TNKS: variants seen among roughly 807,000 people sequenced by gnomAD.
TNKS encodes tankyrase, also known as poly [ADP-ribose] polymerase tankyrase-1.
A neutral mutation model predicts 135.8 loss-of-function variants in TNKS; 72 were observed. That is an observed-to-expected ratio of 0.53 (90% confidence interval 0.44 to 0.64). The LOEUF is 0.64. TNKS is among the 30% of genes least tolerant of loss of function. The pLI is 0.00. For synonymous variants in TNKS, 849 were observed against 649.3 expected, an observed-to-expected ratio of 1.31 and a Z score of -4.68; for missense variants, 1,769 against 1,674.0, an observed-to-expected ratio of 1.06 and a Z score of -0.99.
At position 9,722,782 on chromosome 8, in the gene TNKS, T is replaced by A. The variant is rs111770889; in HGVS notation, c.1921+2237T>A. 6.9e-3 allele frequency among the ~76,000 whole-genome samples: 1,048 copies of A among 152,266 alleles called. 13 individuals carry two copies. Among genetic ancestry groups the A allele is most frequent in the African/African-American group, 0.023 (974 of 41,566 alleles). On this transcript the variant is annotated intron_variant, in intron 12 of 26. Coordinates refer to ENST00000310430, the MANE Select transcript of TNKS (RefSeq NM_003747.3). ...AGTTTCTGTATGTTTTAACCATAAG[T>A]CAGGCAAACACATAGCTTTGCCTCA...
At chr8:9,672,711 CAA>C (rs6150458) in intron 3 of TNKS, among the ~76,000 whole-genome samples, 124 of 85,222 alleles carry the variant, frequency 1.5e-3, no homozygotes, top group South Asian at 0.01. Context: ...CACACACACA[CAA>C]AAAAAAAAAA....
chr8:9,678,469 C>T (rs1276963957), intron 3 of TNKS, among the ~76,000 whole-genome samples: 2 of 152,144 alleles, frequency 1.3e-5, no homozygotes, highest in Non-Finnish European at 2.9e-5. Flanking sequence ...ACTCTATGAC[C>T]ATGAAATCAT....
intron 3 of TNKS, among the ~76,000 whole-genome samples, chr8:9,660,888 G>T (rs1044932816): frequency 7.9e-5 from 12 of 151,968 alleles, no homozygotes; most frequent in African/African-American, 2.9e-4. Flanking sequence ...CTTCAGCAAA[G>T]TCTCAGGATA....
intron 13 of TNKS, among the ~76,000 whole-genome samples, chr8:9,729,331 T>A (rs985167780): frequency 1.3e-5 from 2 of 152,130 alleles, no homozygotes; most frequent in African/African-American, 4.8e-5. Flanking sequence ...CAGTAGAAAT[T>A]TTTCAGGTTC....
chr8:9,582,403 C>T (rs1798199715), intron 2 of TNKS, among the ~76,000 whole-genome samples: 1 of 151,862 alleles, frequency 6.6e-6, no homozygotes, highest in African/African-American at 2.4e-5. Context: ...AGGTTTTTGC[C>T]TAGATGATGA....
chr8:9,721,835 C>T (rs532635773), intron 12 of TNKS, among the ~76,000 whole-genome samples: 18 of 151,910 alleles, frequency 1.2e-4, no homozygotes, highest in Non-Finnish European at 2.1e-4. Context: ...GGGCGGATCA[C>T]GAGGTCAGGA....
At chr8:9,667,765 A>G (rs188962879) in intron 3 of TNKS, among the ~76,000 whole-genome samples, 21 of 150,628 alleles carry the variant, frequency 1.4e-4, no homozygotes, top group African/African-American at 4.6e-4. Context: ...GTATCACTAA[A>G]TCTCTTACTG....
At chr8:9,585,227 G>A (rs1798325021) in intron 2 of TNKS, among the ~76,000 whole-genome samples, 2 of 152,032 alleles carry the variant, frequency 1.3e-5, no homozygotes, top group South Asian at 4.1e-4. Flanking sequence ...TAGCCTGGAA[G>A]CTTACGTGTG....
At chr8:9,721,298 T>TCATATATATATATATATA (rs1554477764) in intron 12 of TNKS, among the ~76,000 whole-genome samples, 1 of 118,154 alleles carries the variant, frequency 8.5e-6, no homozygotes, top group Non-Finnish European at 1.8e-5. Flanking sequence ...AATAAATAAA[T>TCATATATATATATATATA]TATATATATA....
chr8:9,558,911 A>T (rs1174960541), intron 1 of TNKS: 1 of 152,178 alleles, frequency 6.6e-6, no homozygotes, highest in Non-Finnish European at 1.5e-5. Flanking sequence ...CTTCTTTATC[A>T]TGTATAGGCT....
chr8:9,591,440 C>A (rs750462258), intron 2 of TNKS, among the ~76,000 whole-genome samples: 3 of 152,106 alleles, frequency 2.0e-5, no homozygotes, highest in Non-Finnish European at 2.9e-5. Flanking sequence ...TGGATGGATC[C>A]CTGAGAGTGG....
At chr8:9,753,367 G>A (rs928030681) in intron 20 of TNKS, among the ~76,000 whole-genome samples, 15 of 152,122 alleles carry the variant, frequency 9.9e-5, no homozygotes, top group African/African-American at 3.6e-4. Context: ...CCTTTATGAA[G>A]TTTCTGTTGT....
intron 17 of TNKS, among the ~76,000 whole-genome samples, chr8:9,744,511 C>G (rs925835668): frequency 2.6e-5 from 4 of 152,088 alleles, no homozygotes; most frequent in Non-Finnish European, 5.9e-5. Context: ...TAAAAGCTTC[C>G]CAGTCTTTTT....
intron 5 of TNKS, among the ~76,000 whole-genome samples, chr8:9,685,462 T>C (rs1434153209): frequency 1.3e-5 from 2 of 152,174 alleles, no homozygotes; most frequent in Non-Finnish European, 2.9e-5. Flanking sequence ...ATTAGATTCC[T>C]ACTCCTTTGA....
intron 5 of TNKS, among the ~76,000 whole-genome samples, chr8:9,691,857 C>G (rs1803290203): frequency 6.6e-6 from 1 of 152,186 alleles, no homozygotes; most frequent in African/African-American, 2.4e-5. Context: ...GCACTGGACA[C>G]TGGCTTAGAC....
intron 2 of TNKS, among the ~76,000 whole-genome samples, chr8:9,599,565 A>C (rs1388675142): frequency 6.6e-6 from 1 of 152,202 alleles, no homozygotes; most frequent in African/African-American, 2.4e-5. Flanking sequence ...TCCAGGTAGA[A>C]AGAGAGATAC....
intron 5 of TNKS, among the ~76,000 whole-genome samples, chr8:9,690,409 T>G (rs559778789): frequency 6.6e-6 from 1 of 152,358 alleles, no homozygotes; most frequent in East Asian, 1.9e-4. Context: ...TCCCTTCTCT[T>G]TCTCTTCTTA....
chr8:9,631,624 T>C (rs1800292723), intron 3 of TNKS, among the ~76,000 whole-genome samples: 1 of 152,224 alleles, frequency 6.6e-6, no homozygotes, highest in African/African-American at 2.4e-5. Flanking sequence ...CATTCTAGTC[T>C]ACAGAATTTT....
chr8:9,741,255 C>T (rs1473282590), intron 17 of TNKS: 1 of 153,064 alleles, frequency 6.5e-6, no homozygotes, highest in African/African-American at 2.4e-5. Context: ...GTTTATAAAG[C>T]CAATGGGATC....
Sources: allele counts gnomAD v4.1 joint callset (sites outside exome capture counted in the v4.1 genomes callset), GRCh38; gene constraint gnomAD v4.1.1; transcripts MANE v1.5; gene names NCBI Gene and HGNC (gene_info 2026-07-23, HGNC 2026-07-21).